MAPK10: variants seen among roughly 807,000 people sequenced by gnomAD.
MAPK10 encodes the protein mitogen-activated protein kinase 10.
In MAPK10, 25 loss-of-function variants were observed where a neutral mutation model predicts 59.3. That is an observed-to-expected ratio of 0.42 (90% confidence interval 0.31 to 0.59). The LOEUF is 0.59. MAPK10 is among the 20% of genes least tolerant of loss of function. MAPK10 has a pLI of 0.15. For missense variants in MAPK10, 351 were observed against 568.9 expected (o/e 0.62, Z 3.90); for synonymous variants, 190 against 200.5 (o/e 0.95, Z 0.44).
In MAPK10 at chr4:86,570,610, G is replaced by T. The variant is rs1411567938; in HGVS notation, c.-263+23300C>A. Among the ~76,000 whole-genome samples the T allele has an allele frequency of 7.2e-5, 11 of 152,166 alleles. No individual in the cohort carries two copies. The East Asian group carries it at 2.1e-3, about 29-fold the overall frequency. On this transcript the variant is annotated intron_variant, in intron 1 of 4. Coordinates refer to the MAPK10 transcript ENST00000502302. ...GCTGTAAACTTCACAGAAAAAGTTT[G>T]CTGATCCCTGAAATATTTACAAATA...
intron 2 of MAPK10, among the ~76,000 whole-genome samples, chr4:86,351,207 T>G (rs1190248401): frequency 1.3e-5 from 2 of 152,064 alleles, no homozygotes; most frequent in Non-Finnish European, 2.9e-5. Flanking sequence ...CTACAATACC[T>G]GGACTTTATA....
At chr4:86,526,846 A>C (rs1757501630) in intron 1 of MAPK10, among the ~76,000 whole-genome samples, 1 of 152,314 alleles carries the variant, frequency 6.6e-6, no homozygotes, top group East Asian at 1.9e-4. Flanking sequence ...AAATTGTTTA[A>C]TGTCCATAAA....
chr4:86,516,638 G>GTTGTTTGT (rs56051065), intron 1 of MAPK10, among the ~76,000 whole-genome samples: 1,937 of 151,600 alleles, frequency 0.013, 10 homozygotes, highest in African/African-American at 0.015. Flanking sequence ...TTTTGTTGTT[G>GTTGTTTGT]TTGTTTGTTT....
At chr4:86,034,952 G>A (rs935195629) in intron 11 of MAPK10, among the ~76,000 whole-genome samples, 1 of 152,088 alleles carries the variant, frequency 6.6e-6, no homozygotes, top group African/African-American at 2.4e-5. Context: ...TTCTCTGTGT[G>A]TACATGCATG....
chr4:86,541,370 T>G (rs1758681701), intron 1 of MAPK10, among the ~76,000 whole-genome samples: 1 of 152,028 alleles, frequency 6.6e-6, no homozygotes, highest in Non-Finnish European at 1.5e-5. Context: ...TAAACAAGAC[T>G]TCACAGCCAG....
At chr4:86,306,157 G>A (rs960532298) in intron 2 of MAPK10, among the ~76,000 whole-genome samples, 1 of 152,128 alleles carries the variant, frequency 6.6e-6, no homozygotes, top group Admixed American at 6.6e-5. Context: ...ATTAATGTAA[G>A]TAGCCACAAT....
intron 1 of MAPK10, among the ~76,000 whole-genome samples, chr4:86,587,274 G>T (rs1762715891): frequency 6.6e-6 from 1 of 152,174 alleles, no homozygotes; most frequent in Non-Finnish European, 1.5e-5. Context: ...CCAGTGTTTA[G>T]TTATCTCTGT....
At chr4:86,256,410 C>A (rs563765105) in intron 2 of MAPK10, among the ~76,000 whole-genome samples, 1 of 152,240 alleles carries the variant, frequency 6.6e-6, no homozygotes, top group South Asian at 2.1e-4. Flanking sequence ...GTTTCCACTC[C>A]TTCAATTATC....
intron 3 of MAPK10, among the ~76,000 whole-genome samples, chr4:86,169,456 G>A (rs9715454): frequency 0.085 from 12,891 of 152,174 alleles, 1,209 homozygotes; most frequent in African/African-American, 0.23. Flanking sequence ...CTGGAAGAAA[G>A]GATATCAGCA....
At chr4:86,398,249 A>C (rs1306675183) in intron 1 of MAPK10, among the ~76,000 whole-genome samples, 1 of 152,108 alleles carries the variant, frequency 6.6e-6, no homozygotes, top group Non-Finnish European at 1.5e-5. Context: ...AAAAGAAAAG[A>C]AAAGAAAAAA....
chr4:86,036,148 G>A (rs1181819988), intron 11 of MAPK10, among the ~76,000 whole-genome samples: 3 of 152,168 alleles, frequency 2.0e-5, no homozygotes, highest in Non-Finnish European at 4.4e-5. Flanking sequence ...TGAAGCACAT[G>A]AGGATTTTGA....
intron 2 of MAPK10, among the ~76,000 whole-genome samples, chr4:86,311,165 G>T (rs1053749642): frequency 8.6e-5 from 13 of 151,820 alleles, no homozygotes; most frequent in African/African-American, 2.9e-4. Context: ...AACACATATT[G>T]CTTGAATAGT....
At chr4:86,538,607 T>C (rs1455547442) in intron 1 of MAPK10, among the ~76,000 whole-genome samples, 1 of 152,236 alleles carries the variant, frequency 6.6e-6, no homozygotes, top group Non-Finnish European at 1.5e-5. Context: ...CTTTTTAGAC[T>C]TTGATTAGAA....
chr4:86,370,584 G>A (rs369282022), intron 1 of MAPK10: 1 of 151,264 alleles, frequency 6.6e-6, no homozygotes, highest in East Asian at 1.9e-4. Context: ...TGGACCACTT[G>A]AAAGAAAAAA....
intron 1 of MAPK10, among the ~76,000 whole-genome samples, chr4:86,523,376 A>G (rs1757259240): frequency 6.6e-6 from 1 of 152,212 alleles, no homozygotes; most frequent in Non-Finnish European, 1.5e-5. Context: ...CCTGGCTAAG[A>G]GTTCCAGGAG....
intron 2 of MAPK10, among the ~76,000 whole-genome samples, chr4:86,354,310 TG>T (rs1324194252): frequency 6.6e-6 from 1 of 152,134 alleles, no homozygotes; most frequent in Non-Finnish European, 1.5e-5. Context: ...TGGTGTTATA[TG>T]CTGCACCCAT....
At chr4:86,191,881 T>A (rs1472342622) in intron 3 of MAPK10, 1 of 152,088 alleles carries the variant, frequency 6.6e-6, no homozygotes, top group African/African-American at 2.4e-5. Flanking sequence ...GTCTTTACAA[T>A]TTGGGATGTT....
chr4:86,403,632 A>G (rs1254579209), intron 1 of MAPK10, among the ~76,000 whole-genome samples: 1 of 152,218 alleles, frequency 6.6e-6, no homozygotes, highest in Non-Finnish European at 1.5e-5. Context: ...GGAAACTTAC[A>G]ATCATGACAG....
At chr4:86,389,637 T>C (rs1172875699) in intron 1 of MAPK10, among the ~76,000 whole-genome samples, 1 of 151,654 alleles carries the variant, frequency 6.6e-6, no homozygotes, top group Non-Finnish European at 1.5e-5. Context: ...CCCCACAGAA[T>C]GAAGAATTGT....
Sources: allele counts gnomAD v4.1 joint callset (sites outside exome capture counted in the v4.1 genomes callset), GRCh38; gene constraint gnomAD v4.1.1; transcripts MANE v1.5; gene names NCBI Gene and HGNC (gene_info 2026-07-23, HGNC 2026-07-21).